TTC28: variants seen among roughly 807,000 people sequenced by gnomAD.
TTC28 encodes tetratricopeptide repeat protein 28.
A neutral mutation model predicts 198.0 loss-of-function variants in TTC28; 61 were observed. The ratio of observed to expected loss-of-function variants is 0.31; its 90% CI spans 0.25 to 0.38. TTC28 has a LOEUF of 0.38. TTC28 is among the 10% of genes least tolerant of loss of function. The probability of loss-of-function intolerance (pLI) is 1.00; values close to 1 mark genes in which losing one functional copy is unlikely to be tolerated. For missense variants in TTC28, 2,678 were observed against 3,164.0 expected (o/e 0.85, Z 3.69); for synonymous variants, 1,171 against 1,297.8 (o/e 0.90, Z 2.10).
chr22:28,441,284 T>C (rs1403821403), intron 2 of TTC28, among the ~76,000 whole-genome samples: 1 of 152,196 alleles, frequency 6.6e-6, no homozygotes. Context: ...ATCTTAAAAC[T>C]ACTCATAAAC....
At position 28,101,160 on chromosome 22, in the gene TTC28, G is replaced by C; in HGVS notation, c.3417+11C>G. ...AACAAAAAATCCACTTCAGTCAGGG[G>C]TTCTGCTTACCTGGTGTTGGGCCTC... On this transcript the variant is annotated intron_variant, in intron 9 of 22. Transcript: ENST00000397906. 6.5e-7 allele frequency: 1 copy of C among 1,541,872 alleles called. No individual in the cohort carries two copies. The highest frequency in any genetic ancestry group is 8.8e-7 in the Non-Finnish European group (1 of 1,139,510).
At chr22:28,089,737 A>C (rs1941752354) in intron 12 of TTC28, among the ~76,000 whole-genome samples, 1 of 151,414 alleles carries the variant, frequency 6.6e-6, no homozygotes, top group African/African-American at 2.4e-5. Context: ...ATGTTTAAAA[A>C]AAAAAAGAAA....
At chr22:28,109,239 A>G (rs971880447) in intron 6 of TTC28, among the ~76,000 whole-genome samples, 1 of 152,240 alleles carries the variant, frequency 6.6e-6, no homozygotes, top group Non-Finnish European at 1.5e-5. Context: ...ACATTTTGGT[A>G]TATCAACTCA....
intron 5 of TTC28, among the ~76,000 whole-genome samples, chr22:28,280,419 G>A (rs563957062): frequency 3.3e-5 from 5 of 151,872 alleles, no homozygotes; most frequent in African/African-American, 7.2e-5. Context: ...CTCCGCCTCC[G>A]CCTCCGCCTC....
At chr22:28,293,478 A>C (rs2044826244) in intron 5 of TTC28, among the ~76,000 whole-genome samples, 2 of 152,008 alleles carry the variant, frequency 1.3e-5, no homozygotes, top group Admixed American at 1.3e-4. Context: ...GTTGAGGGAG[A>C]GGAATGGGGA....
At chr22:28,104,086 C>A (rs1473562476) in intron 8 of TTC28, among the ~76,000 whole-genome samples, 1 of 152,168 alleles carries the variant, frequency 6.6e-6, no homozygotes, top group Non-Finnish European at 1.5e-5. Context: ...AGGAGACCAG[C>A]GAATCATCAG....
chr22:28,406,475 G>C (rs2046999586), intron 2 of TTC28, among the ~76,000 whole-genome samples: 1 of 152,170 alleles, frequency 6.6e-6, no homozygotes. Context: ...GAAGAGCCTG[G>C]CCCTGCTGTG....
At chr22:28,303,618 T>C (rs895479586) in intron 3 of TTC28, 1 of 152,126 alleles carries the variant, frequency 6.6e-6, no homozygotes, top group Admixed American at 6.5e-5. Flanking sequence ...AGGTTGTCCC[T>C]GCCTTAAAAG....
chr22:28,594,276 G>A (rs1176881905), intron 2 of TTC28, among the ~76,000 whole-genome samples: 1 of 148,558 alleles, frequency 6.7e-6, no homozygotes, highest in Non-Finnish European at 1.5e-5. Flanking sequence ...AATATAAGAA[G>A]TAATTAATTA....
chr22:28,077,598 C>T (rs923936529), intron 12 of TTC28, among the ~76,000 whole-genome samples: 11 of 152,178 alleles, frequency 7.2e-5, no homozygotes, highest in African/African-American at 2.4e-4. Flanking sequence ...ATATTTGCCG[C>T]TTGTTATCAG....
chr22:27,989,152 A>G (rs1346816964), intron 21 of TTC28, among the ~76,000 whole-genome samples: 1 of 152,166 alleles, frequency 6.6e-6, no homozygotes, highest in East Asian at 1.9e-4. Flanking sequence ...ACACAGCAAT[A>G]TGTCAGGAGT....
At chr22:28,130,064 C>T (rs920760590) in intron 6 of TTC28, among the ~76,000 whole-genome samples, 1 of 152,156 alleles carries the variant, frequency 6.6e-6, no homozygotes, top group Non-Finnish European at 1.5e-5. Flanking sequence ...TTTGTTTAAT[C>T]TTCTGTTTAT....
intron 13 of TTC28, among the ~76,000 whole-genome samples, chr22:28,029,625 C>T (rs1201531392): frequency 2.0e-5 from 3 of 152,160 alleles, no homozygotes; most frequent in Non-Finnish European, 4.4e-5. Flanking sequence ...GGTGTCACTC[C>T]TAAGAAAAAG....
intron 2 of TTC28, among the ~76,000 whole-genome samples, chr22:28,373,387 G>C (rs1353193058): frequency 6.6e-6 from 1 of 152,094 alleles, no homozygotes; most frequent in Admixed American, 6.5e-5. Context: ...CCAAATCAAG[G>C]GGAATATGCT....
intron 5 of TTC28, among the ~76,000 whole-genome samples, chr22:28,188,054 A>G (rs1426888128): frequency 6.6e-6 from 1 of 152,216 alleles, no homozygotes; most frequent in Non-Finnish European, 1.5e-5. Context: ...ATAAAAATAA[A>G]CGAGACAAGG....
At chr22:28,242,671 G>T (rs985355109) in intron 5 of TTC28, among the ~76,000 whole-genome samples, 6 of 152,186 alleles carry the variant, frequency 3.9e-5, no homozygotes, top group African/African-American at 1.4e-4. Flanking sequence ...GAAATAATAT[G>T]TTTGAATATG....
chr22:28,402,022 A>G (rs143008072), intron 2 of TTC28, among the ~76,000 whole-genome samples: 99 of 152,296 alleles, frequency 6.5e-4, no homozygotes, highest in African/African-American at 2.2e-3. Flanking sequence ...CCTTGGTCCA[A>G]ATTTAAAGTC....
intron 5 of TTC28, among the ~76,000 whole-genome samples, chr22:28,284,079 C>T (rs936974752): frequency 6.6e-6 from 1 of 152,138 alleles, no homozygotes; most frequent in African/African-American, 2.4e-5. Context: ...AGGCATTTAT[C>T]ATGACTGGCC....
chr22:28,553,452 G>A (rs2049728333), intron 2 of TTC28, among the ~76,000 whole-genome samples: 1 of 150,236 alleles, frequency 6.7e-6, no homozygotes, highest in Non-Finnish European at 1.5e-5. Flanking sequence ...TGTCTGGGAT[G>A]TGAGGAGCGC....
Sources: gnomAD v4.1 joint callset for allele counts (sites outside exome capture counted in the v4.1 genomes callset) on GRCh38, gnomAD v4.1.1 for gene constraint, MANE v1.5 for transcripts, NCBI Gene and HGNC (gene_info 2026-07-23, HGNC 2026-07-21) for gene names.